The following ATG7 variants were observed in gnomAD, a reference collection of about 807,000 sequenced individuals.
ATG7 encodes ubiquitin-like modifier-activating enzyme ATG7.
Under a neutral mutation model 82.4 loss-of-function variants are expected in ATG7, and 70 were observed. That is an observed-to-expected ratio of 0.85 (90% CI 0.70 to 1.04). The LOEUF (loss-of-function observed/expected upper bound fraction) is 1.04. ATG7 is among the 50% of genes least tolerant of loss of function. The pLI is 0.00. For synonymous variants in ATG7, 287 were observed against 313.0 expected, an observed-to-expected ratio of 0.92 and a Z score of 0.88; for missense variants, 792 against 864.3, an observed-to-expected ratio of 0.92 and a Z score of 1.05.
chr3:11,525,577 C>T (rs1256930449), intron 20 of ATG7, among the ~76,000 whole-genome samples: 11 of 114,514 alleles, frequency 9.6e-5, no homozygotes, highest in South Asian at 2.7e-4. Flanking sequence ...TTTTTTTAAA[C>T]GGAGTCTTGC....
chr3:11,303,685 T>G (rs574912178), intron 5 of ATG7, among the ~76,000 whole-genome samples: 2 of 150,550 alleles, frequency 1.3e-5, no homozygotes, highest in South Asian at 4.2e-4. Context: ...AAAAAAAGAA[T>G]TTTCCTTTCT....
At chr3:11,566,161 G>A in the ATG7 span, among the ~76,000 whole-genome samples, 2 of 152,134 alleles carry the variant, frequency 1.3e-5, no homozygotes, top group South Asian at 4.1e-4. Context: ...CACAATGAAT[G>A]TTACACACAC....
intron 20 of ATG7, chr3:11,488,402 C>G: frequency 8.3e-7 from 1 of 1,198,714 alleles, no homozygotes; most frequent in Non-Finnish European, 1.1e-6. Context: ...GCTCCGCTGC[C>G]CGCTGAACTC....
chr3:11,477,296 A>G, intron 20 of ATG7: 1 of 1,200,676 alleles, frequency 8.3e-7, no homozygotes, highest in Non-Finnish European at 1.1e-6. Flanking sequence ...ATAAAATAAA[A>G]TGTAAATAAG....
At chr3:11,471,051 C>A (rs1245862802) in intron 20 of ATG7, among the ~76,000 whole-genome samples, 1 of 152,150 alleles carries the variant, frequency 6.6e-6, no homozygotes, top group Non-Finnish European at 1.5e-5. Flanking sequence ...TTCTCATTGA[C>A]TAGAGCAGGC....
In ATG7 at chr3:11,542,990, C is replaced by T. The variant is rs555939177; in HGVS notation, c.2080-11821C>T. ...ATGGAATGCCTCTGGAGGTGGCATG[C>T]CAGCCCACACGTGTGCACAGGCCTG... On this transcript the variant is annotated intron_variant, in intron 20 of 20. Transcript: ENST00000693202. 2.0e-5 allele frequency among the ~76,000 whole-genome samples: 3 copies of T among 152,236 alleles called. No individual in the cohort carries two copies. The South Asian group carries it at 6.2e-4, about 32-fold the overall frequency.
chr3:11,335,934 T>C (rs900632526), intron 11 of ATG7, among the ~76,000 whole-genome samples: 1 of 151,594 alleles, frequency 6.6e-6, no homozygotes, highest in Non-Finnish European at 1.5e-5. Flanking sequence ...CCTAATCTCA[T>C]GATCCACCCG....
In ATG7 at chr3:11,344,824, G is replaced by A. The variant is rs567695059; in HGVS notation, c.1125+2545G>A. Among the ~76,000 whole-genome samples, 26 of 152,252 alleles carry A rather than the reference G, an allele frequency of 1.7e-4. No homozygotes were observed. In the South Asian group the frequency reaches 3.9e-3, roughly 23 times the overall value. On this transcript the variant is annotated intron_variant, in intron 13 of 20. Transcript: ENST00000693202. ...GTTGAGGCTGTAGTGAGCCAAGATC[G>A]TGCCACTGCTCTCCAGCCTGCGTGA...
intron 20 of ATG7, among the ~76,000 whole-genome samples, chr3:11,516,025 C>G (rs956925126): frequency 1.1e-4 from 16 of 146,572 alleles, no homozygotes; most frequent in African/African-American, 4.2e-4. Flanking sequence ...AGCTCACATT[C>G]CTTTTTAAAA....
At chr3:11,372,164 T>C (rs1874957) in intron 18 of ATG7, among the ~76,000 whole-genome samples, 3 of 151,272 alleles carry the variant, frequency 2.0e-5, no homozygotes, top group Non-Finnish European at 4.4e-5. Flanking sequence ...TTGGCCCTTT[T>C]GGGCCTGGGG....
chr3:11,344,723 G>A (rs1559437756), intron 13 of ATG7, among the ~76,000 whole-genome samples: 1 of 152,038 alleles, frequency 6.6e-6, no homozygotes, highest in Non-Finnish European at 1.5e-5. Flanking sequence ...ATAAAAATTA[G>A]CCAGGCTGTA....
chr3:11,330,226 G>C (rs2606751), intron 9 of ATG7, among the ~76,000 whole-genome samples: 152,336 of 152,336 alleles, frequency 1, 76,168 homozygotes, highest in Non-Finnish European at 1. Flanking sequence ...AAGTAAATCA[G>C]TAATTCCAGC....
rs570113971 is a variant in ATG7 at position 11,369,050 on chromosome 3, T to C, written c.1875+4316T>C. Among the ~76,000 whole-genome samples the C allele has an allele frequency of 1.1e-4, 17 of 151,088 alleles. 2 individuals are homozygous for C. The highest frequency in any genetic ancestry group is 3.2e-4 in the African/African-American group (13 of 41,006). On this transcript the variant is annotated intron_variant, in intron 18 of 20. Coordinates refer to ENST00000693202, the MANE Select transcript of ATG7 (RefSeq NM_001349232.2). ...GGGACCTGGCCTGGGAAAACTCTAA[T>C]TGAGTCACATGCTGAGGTGGAGCTG... is the stretch of plus-strand genomic sequence containing the variant.
rs1465273983 is a variant in ATG7 at position 11,364,664 on chromosome 3, A to G, written c.1805A>G (p.Tyr602Cys). 3 of 1,614,162 alleles carry G rather than the reference A, an allele frequency of 1.9e-6. No individual in the cohort carries two copies. The highest frequency in any genetic ancestry group is 2.2e-5 in the East Asian group (1 of 44,878). ...TGATTGTTTCCTGTCCTCAGGGGCT[A>G]TGCCATTGCCAGCAGCAGTGACGAT... is the stretch of plus-strand genomic sequence containing the variant. ...VSVLQHPEGG[Y>C]AIASSSDDRM... Residue 602 changes from tyrosine (Y) to cysteine (C), a missense_variant, in exon 18 of 21, where the codon TAT becomes TGT. Transcript: ENST00000693202.
At chr3:11,551,585 T>C (rs150244237) in intron 20 of ATG7, among the ~76,000 whole-genome samples, 180 of 152,314 alleles carry the variant, frequency 1.2e-3, no homozygotes, top group African/African-American at 4.0e-3. Context: ...ACTGCTTTTA[T>C]AATTTTTTTT....
chr3:11,511,616 G>A (rs920733885), intron 20 of ATG7, among the ~76,000 whole-genome samples: 4 of 152,216 alleles, frequency 2.6e-5, no homozygotes, highest in Admixed American at 1.3e-4. Flanking sequence ...GCCCTTGGGC[G>A]GTCGATGGGA....
At chr3:11,290,258 C>T (rs60056696) in intron 3 of ATG7, 31,226 of 152,780 alleles carry the variant, frequency 0.2, 3,580 homozygotes, top group South Asian at 0.35. Flanking sequence ...GTGACTAAGG[C>T]CCTTTCCTCT....
chr3:11,315,957 G>A (rs1179491590), intron 9 of ATG7, among the ~76,000 whole-genome samples: 1 of 152,114 alleles, frequency 6.6e-6, no homozygotes, highest in Admixed American at 6.6e-5. Flanking sequence ...GGTCTTGAAT[G>A]CGTGACCTGC....
At chr3:11,553,120 A>G (rs1018477376) in intron 20 of ATG7, among the ~76,000 whole-genome samples, 1 of 151,912 alleles carries the variant, frequency 6.6e-6, no homozygotes, top group African/African-American at 2.4e-5. Flanking sequence ...TTCATTCTCC[A>G]TCTTGCCCCA....
Sources: gnomAD v4.1 joint callset for allele counts (sites outside exome capture counted in the v4.1 genomes callset) on GRCh38, gnomAD v4.1.1 for gene constraint, MANE v1.5 for transcripts, NCBI Gene and HGNC (gene_info 2026-07-23, HGNC 2026-07-21) for gene names.